Variants in COMMD7 observed in about 807,000 individuals in gnomAD.
COMMD7 encodes COMM domain-containing protein 7.
A neutral mutation model predicts 34.8 loss-of-function variants in COMMD7; 28 were observed. The observed-to-expected ratio is 0.80, with a 90% CI of 0.60 to 1.10. The LOEUF (loss-of-function observed/expected upper bound fraction) is 1.10. COMMD7 is among the 50% of genes least tolerant of loss of function. COMMD7 has a pLI of 0.00. For synonymous variants in COMMD7, 80 were observed against 86.4 expected (o/e 0.93, Z 0.41); for missense variants, 211 against 241.6 (o/e 0.87, Z 0.84).
chr20:32,732,527 G>A (rs1024519638), intron 1 of COMMD7, among the ~76,000 whole-genome samples: 4 of 152,244 alleles, frequency 2.6e-5, no homozygotes, highest in South Asian at 4.1e-4. Context: ...AGCACTTTGG[G>A]AGGCTGAGGC....
chr20:32,738,001 C>G (rs919120672), intron 1 of COMMD7, among the ~76,000 whole-genome samples: 4 of 151,356 alleles, frequency 2.6e-5, no homozygotes, highest in African/African-American at 9.7e-5. Context: ...TTTTTATTCT[C>G]CAAATGGATA....
At chr20:32,709,568 AAAC>A (rs1984304185) in intron 3 of COMMD7, among the ~76,000 whole-genome samples, 1 of 152,166 alleles carries the variant, frequency 6.6e-6, no homozygotes, top group Admixed American at 6.5e-5. Flanking sequence ...ACGATGACAA[AAAC>A]AACAAACAAA....
intron 1 of COMMD7, 71 bp downstream of exon 1, chr20:32,743,237 T>TCCCCCCCCCCCCC: frequency 5.7e-6 from 3 of 526,952 alleles, no homozygotes; most frequent in Non-Finnish European, 9.4e-6. Context: ...CCCCCGGACG[T>TCCCCCCCCCCCCC]CCCCCCCACC....
chr20:32,730,558 A>AAACAACAACAACAAC (rs34678832), intron 1 of COMMD7, among the ~76,000 whole-genome samples: 1 of 149,584 alleles, frequency 6.7e-6, no homozygotes, highest in African/African-American at 2.5e-5. Flanking sequence ...CCGTTTCAAA[A>AAACAACAACAACAAC]AACAACAACA....
chr20:32,711,407 A>AC (rs1555823176), intron 3 of COMMD7, among the ~76,000 whole-genome samples: 4 of 145,516 alleles, frequency 2.7e-5, no homozygotes, highest in South Asian at 2.1e-4. Flanking sequence ...AAAAAAAAAA[A>AC]TGTTACTTAA....
In COMMD7 at chr20:32,706,594, A is replaced by T; in HGVS notation, c.325T>A (p.Phe109Ile). The T allele has an allele frequency of 6.2e-7, 1 of 1,608,652 alleles. No homozygotes were observed. The highest frequency in any genetic ancestry group is 2.2e-5 in the East Asian group (1 of 44,860). Residue 109 changes from phenylalanine to isoleucine, a missense_variant, in exon 5 of 9, where the codon TTT becomes ATT. Physicochemically the swap from Phe to Ile is conservative, Grantham distance 21. Transcript: ENST00000278980. Reference protein sequence around the residue: ...LGLSEEKATYFSEKWKQNAPT... With the variant: ...LGLSEEKATYISEKWKQNAPT... ...AAGAGGAATTATACCTTTTCAGAAA[A>T]GTAAGTGGCTTTCTCCTCACTAAGA...
chr20:32,716,993 G>A (rs891781597), intron 3 of COMMD7, among the ~76,000 whole-genome samples: 5 of 151,988 alleles, frequency 3.3e-5, no homozygotes, highest in Non-Finnish European at 7.4e-5. Context: ...CAACATGCTC[G>A]ACTAATTTTT....
intron 1 of COMMD7, among the ~76,000 whole-genome samples, chr20:32,741,154 CAAACA>C (rs1416666740): frequency 6.2e-5 from 7 of 112,644 alleles, no homozygotes; most frequent in African/African-American, 1.1e-4. Flanking sequence ...AACAAACAAA[CAAACA>C]AAAAAAAACT....
At position 32,705,310 on chromosome 20, in the gene COMMD7, A is replaced by ATG. The variant is rs113275460; in HGVS notation, c.337-408_337-407dup. On this transcript the variant is annotated intron_variant, in intron 5 of 8. Coordinates refer to ENST00000278980, the MANE Select transcript of COMMD7 (RefSeq NM_053041.3). ...TGAATTGGAGAAAGGAGGCATATAT[A>ATG]TGTGTATATATATACATACATATAT... 3.3e-3 allele frequency among the ~76,000 whole-genome samples: 481 copies of ATG among 144,976 alleles called. 1 individual carries two copies. The highest frequency in any genetic ancestry group is 0.011 in the Middle Eastern group (3 of 276).
intron 1 of COMMD7, among the ~76,000 whole-genome samples, chr20:32,730,146 C>T (rs1985756984): frequency 7.6e-6 from 1 of 132,380 alleles, no homozygotes; most frequent in South Asian, 2.3e-4. Flanking sequence ...ATTACTTTAT[C>T]ATGTCCCTCC....
intron 3 of COMMD7, among the ~76,000 whole-genome samples, chr20:32,726,272 C>T (rs1035444076): frequency 1.3e-5 from 2 of 151,844 alleles, no homozygotes; most frequent in African/African-American, 4.8e-5. Flanking sequence ...TTGCCTGTGC[C>T]TGTAATCCCA....
At chr20:32,712,087 T>G (rs1184289701) in intron 3 of COMMD7, among the ~76,000 whole-genome samples, 1 of 151,624 alleles carries the variant, frequency 6.6e-6, no homozygotes, top group African/African-American at 2.4e-5. Context: ...CTGACCAACA[T>G]GATGAAACCC....
At chr20:32,729,699 G>T (rs1307195830) in intron 1 of COMMD7, among the ~76,000 whole-genome samples, 1 of 151,614 alleles carries the variant, frequency 6.6e-6, no homozygotes, top group Non-Finnish European at 1.5e-5. Context: ...TTCCGAGCAA[G>T]CAGAACTGTT....
chr20:32,736,646 G>T (rs887414783), intron 1 of COMMD7, among the ~76,000 whole-genome samples: 1 of 152,030 alleles, frequency 6.6e-6, no homozygotes, highest in African/African-American at 2.4e-5. Context: ...CTTCAGCCTG[G>T]GTGATACAGC....
chr20:32,713,049 CTT>C (rs1318989294), intron 3 of COMMD7, among the ~76,000 whole-genome samples: 32 of 134,304 alleles, frequency 2.4e-4, no homozygotes, highest in Non-Finnish European at 2.4e-4. Context: ...TTTTTAATTT[CTT>C]TTTTTTTTTT....
chr20:32,742,355 G>A lies in COMMD7; in HGVS notation c.84+953C>T, dbSNP rs1986489963. Reference sequence around the variant, plus strand: ...TTTTTATCTCGCAAGCAGCACTACTGTGTGGGAAGTTGTGGGGGGTATGGA... The same window carrying A: ...TTTTTATCTCGCAAGCAGCACTACTATGTGGGAAGTTGTGGGGGGTATGGA... On this transcript the variant is annotated intron_variant, in intron 1 of 8. Transcript: ENST00000278980. The A allele has an allele frequency of 2.0e-5, 3 of 152,124 alleles. No homozygotes were observed. The South Asian group carries it at 6.2e-4, about 31-fold the overall frequency. The allele number at this position is 152,124 out of a possible 1,614,324, so 9.4% of individuals were successfully genotyped here. A position where few individuals can be genotyped will look rare whatever the true frequency, so the allele number is the denominator to read the frequency against.
intron 3 of COMMD7, among the ~76,000 whole-genome samples, chr20:32,718,549 A>C (rs1984952374): frequency 6.6e-6 from 1 of 152,070 alleles, no homozygotes; most frequent in East Asian, 1.9e-4. Flanking sequence ...AATACAAAAA[A>C]TCAGCTGGGC....
chr20:32,743,424 C>G lies in COMMD7; in HGVS notation c.-33G>C. 7.7e-7 allele frequency: 1 copy of G among 1,304,680 alleles called. No individual in the cohort carries two copies. The highest frequency in any genetic ancestry group is 9.7e-7 in the Non-Finnish European group (1 of 1,027,610). The allele number at this position is 1,304,680 out of a possible 1,614,324, so 80.8% of individuals were successfully genotyped here. ...GCCCCAGCCCCGCAGGTTCCACCGC[C>G]GCCGCCGCCCTGCTCAGCTTCCTCC... On this transcript the variant is annotated 5_prime_UTR_variant, in exon 1 of 9. Transcript: ENST00000278980.
rs191800728 is a variant in COMMD7, at chr20:32,706,919, G to A, written c.242-159C>T. Among the ~76,000 whole-genome samples, 55 of 151,988 alleles carry A rather than the reference G, an allele frequency of 3.6e-4. 1 individual carries two copies. The highest frequency in any genetic ancestry group is 1.2e-3 in the African/African-American group (49 of 41,480). On this transcript the variant is annotated intron_variant, in intron 3 of 8. Transcript: ENST00000278980. The stretch of plus-strand genomic sequence containing the variant: ...ATCCAGCCATGGGGAAATAGCATCC[G>A]AAATGACCAGAAAACAAGAAAGACA...
Sources: gnomAD v4.1 joint callset for allele counts (sites outside exome capture counted in the v4.1 genomes callset) on GRCh38, gnomAD v4.1.1 for gene constraint, MANE v1.5 for transcripts, NCBI Gene and HGNC (gene_info 2026-07-23, HGNC 2026-07-21) for gene names.